The following MTX2 variants were observed in gnomAD, a reference collection of about 807,000 sequenced individuals.
MTX2 encodes the protein metaxin 2.
Under a neutral mutation model 42.3 loss-of-function variants are expected in MTX2, and 35 were observed. That is an observed-to-expected ratio of 0.83 (90% CI 0.63 to 1.10). The LOEUF is 1.10. Ranked by LOEUF, MTX2 falls within the 50% of genes least tolerant of loss-of-function variation. The probability of loss-of-function intolerance (pLI) is 0.00; values close to 1 mark genes in which losing one functional copy is unlikely to be tolerated. For synonymous variants in MTX2, 119 were observed against 100.9 expected, an observed-to-expected ratio of 1.18 and a Z score of -1.08; for missense variants, 307 against 304.1, an observed-to-expected ratio of 1.01 and a Z score of -0.07.
chr2:176,323,648 T>C (rs1046824458), intron 4 of MTX2, among the ~76,000 whole-genome samples, 184 bp downstream of exon 4: 1 of 151,770 alleles, frequency 6.6e-6, no homozygotes, highest in African/African-American at 2.4e-5. Flanking sequence ...TATCTATTCA[T>C]TTCAACTGTG....
At chr2:176,325,256 C>G (rs974929056) in intron 4 of MTX2, among the ~76,000 whole-genome samples, 3 of 151,674 alleles carry the variant, frequency 2.0e-5, no homozygotes, top group African/African-American at 7.2e-5. Context: ...AGACGGTAAA[C>G]AAAGCCCTCA....
intron 9 of MTX2, 147 bp from the exon 10 acceptor site, chr2:176,337,346 T>G: frequency 3.3e-6 from 2 of 603,544 alleles, no homozygotes; most frequent in Non-Finnish European, 5.4e-6. Context: ...TTGGCCTATA[T>G]TGTTATTTCT....
At chr2:176,313,414 A>C (rs548222281) in intron 3 of MTX2, among the ~76,000 whole-genome samples, 1 of 102,592 alleles carries the variant, frequency 9.7e-6, no homozygotes, top group South Asian at 3.0e-4. Context: ...TTTTTTGGAG[A>C]TAGGGTCTCA....
At chr2:176,306,218 A>T (rs956638064) in intron 3 of MTX2, among the ~76,000 whole-genome samples, 7 of 152,162 alleles carry the variant, frequency 4.6e-5, no homozygotes, top group African/African-American at 1.7e-4. Context: ...AGCTTCATCC[A>T]TGTCCCTACA....
chr2:176,335,325 G>C (rs1684964231), intron 9 of MTX2, among the ~76,000 whole-genome samples: 1 of 152,104 alleles, frequency 6.6e-6, no homozygotes, highest in Non-Finnish European at 1.5e-5. Context: ...ATGAATGGTA[G>C]GATATGAGGC....
intron 9 of MTX2, among the ~76,000 whole-genome samples, chr2:176,333,758 C>T (rs1298476957): frequency 2.0e-5 from 3 of 151,600 alleles, no homozygotes; most frequent in Non-Finnish European, 4.4e-5. Context: ...TTTAAATACA[C>T]AAGTATTTGT....
intron 3 of MTX2, among the ~76,000 whole-genome samples, chr2:176,313,762 C>G (rs1055794751): frequency 1.3e-5 from 2 of 152,106 alleles, no homozygotes; most frequent in African/African-American, 4.8e-5. Flanking sequence ...TGTATGTTCA[C>G]TCGAATCTTT....
chr2:176,324,948 C>T (rs866190807), intron 4 of MTX2, among the ~76,000 whole-genome samples: 4 of 151,534 alleles, frequency 2.6e-5, no homozygotes, highest in Admixed American at 1.3e-4. Flanking sequence ...TTTGATCTTG[C>T]GGTAGATTTT....
At chr2:176,308,583 TATTCAGAG>T (rs1684213964) in intron 3 of MTX2, among the ~76,000 whole-genome samples, 1 of 152,224 alleles carries the variant, frequency 6.6e-6, no homozygotes, top group African/African-American at 2.4e-5. Flanking sequence ...GTTATTGGTC[TATTCAGAG>T]ATTCAGCTTC....
chr2:176,306,683 G>T (rs369550118), intron 3 of MTX2, among the ~76,000 whole-genome samples: 1 of 152,028 alleles, frequency 6.6e-6, no homozygotes, highest in African/African-American at 2.4e-5. Context: ...TTTTTTTCAC[G>T]TGTCTATTGG....
At chr2:176,304,440 A>T (rs1684096128) in intron 3 of MTX2, 1 of 152,270 alleles carries the variant, frequency 6.6e-6, no homozygotes, top group Non-Finnish European at 1.5e-5. Flanking sequence ...TAAACTACAA[A>T]TATGGCTGTT....
intron 5 of MTX2, among the ~76,000 whole-genome samples, chr2:176,327,786 A>AG (rs1684745385): frequency 6.6e-6 from 1 of 150,858 alleles, no homozygotes; most frequent in South Asian, 2.1e-4. Context: ...AGGATGTCAT[A>AG]GGTTATGTAC....
At chr2:176,313,880 T>A (rs1181204897) in intron 3 of MTX2, among the ~76,000 whole-genome samples, 3 of 151,976 alleles carry the variant, frequency 2.0e-5, no homozygotes, top group South Asian at 2.1e-4. Flanking sequence ...CAGTCATGAG[T>A]GGTAGGGTTT....
intron 9 of MTX2, among the ~76,000 whole-genome samples, chr2:176,333,444 C>T (rs554847783): frequency 2.6e-5 from 4 of 151,534 alleles, no homozygotes; most frequent in South Asian, 2.1e-4. Context: ...CACTTTTATG[C>T]GTGTAGTTCT....
At chr2:176,295,106 CG>C (rs1312741726) in intron 1 of MTX2, among the ~76,000 whole-genome samples, 1 of 152,126 alleles carries the variant, frequency 6.6e-6, no homozygotes, top group Non-Finnish European at 1.5e-5. Context: ...GTATGCAAAT[CG>C]TAGTACAGTG....
chr2:176,289,664 A>G (rs1327296728), intron 1 of MTX2, among the ~76,000 whole-genome samples: 2 of 152,100 alleles, frequency 1.3e-5, no homozygotes, highest in Admixed American at 6.6e-5. Flanking sequence ...CTAATTTTAA[A>G]GGGTGAATTA....
intron 3 of MTX2, among the ~76,000 whole-genome samples, chr2:176,312,006 T>C (rs1290548221): frequency 6.6e-6 from 1 of 152,236 alleles, no homozygotes; most frequent in Non-Finnish European, 1.5e-5. Flanking sequence ...AGCTGCAGAC[T>C]GGAGCCATTC....
At chr2:176,270,465 AAATT>A (rs1692782149) in intron 1 of MTX2, 1 of 1,270,330 alleles carries the variant, frequency 7.9e-7, no homozygotes, top group African/African-American at 1.5e-5. Flanking sequence ...GTAATGAAAG[AAATT>A]AAATATTGTT....
chr2:176,287,762 A>G (rs1265589483), intron 1 of MTX2, among the ~76,000 whole-genome samples: 1 of 151,884 alleles, frequency 6.6e-6, no homozygotes. Flanking sequence ...ATACTTCTCT[A>G]TTTTGTCCTA....
Sources: gnomAD v4.1 joint callset for allele counts (sites outside exome capture counted in the v4.1 genomes callset) on GRCh38, gnomAD v4.1.1 for gene constraint, MANE v1.5 for transcripts, NCBI Gene and HGNC (gene_info 2026-07-23, HGNC 2026-07-21) for gene names.